GPC5: variants seen among roughly 807,000 people sequenced by gnomAD.
GPC5 encodes the protein glypican-5.
In GPC5, 47 loss-of-function variants were observed where a neutral mutation model predicts 53.9. The ratio of observed to expected loss-of-function variants is 0.87; its 90% CI spans 0.69 to 1.11. The LOEUF is 1.11. Among genes scored for constraint, GPC5 ranks in the 50% most tolerant of loss-of-function variants. GPC5 has a pLI of 0.00. For missense variants in GPC5, 748 were observed against 713.1 expected (o/e 1.05, Z -0.56); for synonymous variants, 286 against 263.3 (o/e 1.09, Z -0.84).
At chr13:92,711,779 A>C (rs904736316) in intron 7 of GPC5, among the ~76,000 whole-genome samples, 3 of 152,082 alleles carry the variant, frequency 2.0e-5, no homozygotes, top group Non-Finnish European at 4.4e-5. Flanking sequence ...CAATAGCAGA[A>C]AGAGTAAATG....
intron 7 of GPC5, among the ~76,000 whole-genome samples, chr13:92,252,133 G>C (rs2042696727): frequency 6.6e-6 from 1 of 152,144 alleles, no homozygotes; most frequent in Non-Finnish European, 1.5e-5. Context: ...ACTCAAGACT[G>C]AGAAAGCATT....
At chr13:92,724,901 C>A (rs1888597569) in intron 7 of GPC5, among the ~76,000 whole-genome samples, 1 of 149,614 alleles carries the variant, frequency 6.7e-6, no homozygotes, top group African/African-American at 2.5e-5. Context: ...CACACACACA[C>A]ACACACACAC....
intron 7 of GPC5, among the ~76,000 whole-genome samples, chr13:92,257,636 C>T (rs1268204077): frequency 2.8e-5 from 4 of 145,070 alleles, no homozygotes; most frequent in East Asian, 4.1e-4. Flanking sequence ...CTGCAACCTC[C>T]GCCTCCTGGG....
At position 91,692,729 on chromosome 13, in the gene GPC5, C is replaced by T. The variant is rs112029704; in HGVS notation, c.326-458C>T. On this transcript the variant is annotated intron_variant, in intron 2 of 7. Coordinates refer to ENST00000377067, the MANE Select transcript of GPC5 (RefSeq NM_004466.6). ...TGCAATCTCAGCTCATTGCAACCTC[C>T]GCCTCCCAGGTTCAAATGATTCTTC... Among the ~76,000 whole-genome samples the T allele has an allele frequency of 4.2e-3, 645 of 152,242 alleles. 3 individuals carry two copies. Among genetic ancestry groups the T allele is most frequent in the South Asian group, 9.1e-3 (44 of 4,820 alleles).
intron 6 of GPC5, among the ~76,000 whole-genome samples, chr13:91,942,998 C>T (rs1594678021): frequency 6.6e-6 from 1 of 151,936 alleles, no homozygotes; most frequent in East Asian, 1.9e-4. Flanking sequence ...GAATAAATAG[C>T]TCTGTTTTTT....
intron 6 of GPC5, among the ~76,000 whole-genome samples, chr13:92,083,789 A>G (rs997812880): frequency 6.6e-6 from 1 of 152,116 alleles, no homozygotes; most frequent in Non-Finnish European, 1.5e-5. Flanking sequence ...ACTAATTTAC[A>G]TTCCCACCAA....
chr13:91,693,529 G>A lies in GPC5; in HGVS notation c.668G>A (p.Arg223His), dbSNP rs201373834. Residue 223 changes from arginine to histidine, a missense_variant, in exon 3 of 8, where the codon CGC becomes CAC. Physicochemically the swap from Arg to His is conservative, Grantham distance 29. Transcript: ENST00000377067. ...ATGGGGAGGTCCCTGCTGCCCAGCC[G>A]CACTTTTCTGCAGGCACTCAATCTG... ...GQMGRSLLPS[R>H]TFLQALNLGI... The A allele has an allele frequency of 2.1e-5, 34 of 1,613,884 alleles. No individual in the cohort carries two copies. The highest frequency in any genetic ancestry group is 1.5e-4 in the African/African-American group (11 of 74,898).
intron 6 of GPC5, among the ~76,000 whole-genome samples, chr13:92,118,857 T>C (rs2041622025): frequency 6.6e-6 from 1 of 152,218 alleles, no homozygotes. Context: ...TATTTTTAAA[T>C]AATTTTTAGT....
At chr13:91,728,686 C>A (rs1264954694) in intron 4 of GPC5, 21 bp downstream of exon 4, 2 of 1,594,872 alleles carry the variant, frequency 1.3e-6, no homozygotes, top group Non-Finnish European at 1.7e-6. Context: ...TGTTTTACAA[C>A]CAGAAAGAGA....
chr13:92,498,312 G>A (rs1237247976), intron 7 of GPC5, among the ~76,000 whole-genome samples: 1 of 152,074 alleles, frequency 6.6e-6, no homozygotes, highest in African/African-American at 2.4e-5. Flanking sequence ...GCACTTAGGA[G>A]GGGCCACATG....
intron 7 of GPC5, among the ~76,000 whole-genome samples, chr13:92,660,455 GTA>G (rs754586235): frequency 1.3e-5 from 2 of 151,162 alleles, no homozygotes; most frequent in African/African-American, 2.4e-5. Flanking sequence ...ACACATACAT[GTA>G]TATATATAAA....
At chr13:91,439,418 T>G (rs1009308308) in intron 1 of GPC5, among the ~76,000 whole-genome samples, 1 of 152,244 alleles carries the variant, frequency 6.6e-6, no homozygotes. Context: ...AACTTTCTCC[T>G]TAGGTGATCT....
chr13:92,595,754 C>T (rs9584047), intron 7 of GPC5, among the ~76,000 whole-genome samples: 4,983 of 109,956 alleles, frequency 0.045, 293 homozygotes, highest in African/African-American at 0.15. Flanking sequence ...GGCGAAAGAG[C>T]GAGACTCTGT....
chr13:92,800,081 T>C (rs1293652625), intron 7 of GPC5, among the ~76,000 whole-genome samples: 1 of 151,834 alleles, frequency 6.6e-6, no homozygotes, highest in African/African-American at 2.4e-5. Context: ...AAGGTAAATA[T>C]CTCAAAACAA....
chr13:92,695,849 C>G (rs1212856246), intron 7 of GPC5, among the ~76,000 whole-genome samples: 1 of 152,064 alleles, frequency 6.6e-6, no homozygotes, highest in Non-Finnish European at 1.5e-5. Flanking sequence ...TATCCCTCCC[C>G]TAGTCCCCCA....
rs536464881 is a variant in GPC5 at position 91,965,025 on chromosome 13, T to C, written c.1401+56968T>C. 1.0e-4 allele frequency among the ~76,000 whole-genome samples: 14 copies of C among 137,134 alleles called. No homozygotes were observed. In the South Asian group the frequency reaches 2.5e-3, roughly 24 times the overall value. The allele number at this position is 137,134 out of a possible 152,430, so 90.0% of individuals were successfully genotyped here. ...GCATATTCTCACTCGTAGGTGGGAATTGAACAATGAGAACACTTAGACACA... is the reference window on the plus strand; with the variant it reads ...GCATATTCTCACTCGTAGGTGGGAACTGAACAATGAGAACACTTAGACACA... On this transcript the variant is annotated intron_variant, in intron 6 of 7. Coordinates refer to ENST00000377067, the MANE Select transcript of GPC5 (RefSeq NM_004466.6).
intron 7 of GPC5, among the ~76,000 whole-genome samples, chr13:92,788,363 T>C (rs944050398): frequency 2.0e-5 from 3 of 152,144 alleles, no homozygotes; most frequent in African/African-American, 4.8e-5. Flanking sequence ...TAAAAGCATA[T>C]ATTGAATCTT....
intron 7 of GPC5, among the ~76,000 whole-genome samples, chr13:92,832,011 C>T (rs1023852447): frequency 1.8e-4 from 27 of 152,016 alleles, no homozygotes; most frequent in African/African-American, 5.6e-4. Context: ...TACTAAAGCA[C>T]TCCTAGAATT....
intron 2 of GPC5, among the ~76,000 whole-genome samples, chr13:91,470,634 A>G (rs981719143): frequency 3.3e-5 from 5 of 152,118 alleles, no homozygotes; most frequent in African/African-American, 9.7e-5. Context: ...GTTCTAGCTT[A>G]TGTGTGTTTT....
Sources: allele counts gnomAD v4.1 joint callset (sites outside exome capture counted in the v4.1 genomes callset), GRCh38; gene constraint gnomAD v4.1.1; transcripts MANE v1.5; gene names NCBI Gene and HGNC (gene_info 2026-07-23, HGNC 2026-07-21).